The following SCARB2 variants were observed in gnomAD, a reference collection of about 807,000 sequenced individuals.
SCARB2 encodes the protein lysosome membrane protein 2.
In SCARB2, 29 loss-of-function variants were observed where a neutral mutation model predicts 58.6. That is an observed-to-expected ratio of 0.49 (90% CI 0.37 to 0.67). The LOEUF (loss-of-function observed/expected upper bound fraction) is 0.67, where lower values mean the gene tolerates loss of function less well. Ranked by LOEUF, SCARB2 falls within the 30% of genes least tolerant of loss-of-function variation. The probability of loss-of-function intolerance (pLI) is 0.00; values close to 1 mark genes in which losing one functional copy is unlikely to be tolerated. For missense variants in SCARB2, 488 were observed against 578.5 expected (o/e 0.84, Z 1.60); for synonymous variants, 195 against 210.1 (o/e 0.93, Z 0.62).
chr4:76,195,817 C>CT lies in SCARB2; in HGVS notation c.164dup (p.Pro56AlafsTer50). On this transcript the variant is annotated frameshift_variant, in exon 2 of 12. Transcript: ENST00000264896. LOFTEE classifies it high-confidence loss of function. The stretch of plus-strand genomic sequence containing the variant: ...ACTGAGTATACACAGGCAGAGGGGG[C>CT]TTCTCCCAGGAGTCAAATGCCTCAG... 1 of 1,613,754 alleles carries CT rather than the reference C, an allele frequency of 6.2e-7. No homozygotes were observed.
chr4:76,231,035 C>T (rs745799527), intron 1 of SCARB2, among the ~76,000 whole-genome samples: 3 of 152,218 alleles, frequency 2.0e-5, no homozygotes, highest in African/African-American at 7.2e-5. Context: ...GAGTTTGGAA[C>T]AAAAATGTGT....
chr4:76,209,534 A>G (rs1229138283), intron 1 of SCARB2, among the ~76,000 whole-genome samples: 2 of 152,044 alleles, frequency 1.3e-5, no homozygotes, highest in Admixed American at 6.6e-5. Context: ...ATGCCTAGCT[A>G]ATTTCTGTAT....
Position 76,213,630 on chromosome 4 carries a change from G to A in SCARB2, c.-87C>T. On this transcript the variant is annotated 5_prime_UTR_variant, in exon 1 of 12. Transcript: ENST00000264896. ...GAGGAGCCGCCGCAGAGGCGTCGAA[G>A]ACCCGGGACCCTTCGGCGCCACGCC... is the stretch of plus-strand genomic sequence containing the variant. 1 of 1,070,326 alleles carries A rather than the reference G, an allele frequency of 9.3e-7. No individual in the cohort carries two copies. Among genetic ancestry groups the A allele is most frequent in the Non-Finnish European group, 1.4e-6 (1 of 708,568 alleles). 66.3% of individuals were successfully genotyped at this position (1,070,326 alleles called of 1,614,324 possible).
At chr4:76,191,053 C>T (rs1038401411) in intron 2 of SCARB2, among the ~76,000 whole-genome samples, 31 of 152,098 alleles carry the variant, frequency 2.0e-4, no homozygotes, top group African/African-American at 7.3e-4. Context: ...GTCTCCATCA[C>T]ATCTTAAGGA....
rs767272635 is a variant in SCARB2 at position 76,175,889 on chromosome 4, T to C, written c.726A>G (p.Thr242=). The C allele has an allele frequency of 1.2e-6, 2 of 1,613,956 alleles. No individual in the cohort carries two copies. The highest frequency in any genetic ancestry group is 2.2e-5 in the South Asian group (2 of 91,076). Residue 242 remains threonine (T), a synonymous_variant, in exon 6 of 12, where the codon ACA becomes ACG. Coordinates refer to ENST00000264896, the MANE Select transcript of SCARB2 (RefSeq NM_005506.4). The stretch of plus-strand genomic sequence containing the variant: ...TTCCATTAATCATATTGCACTTGTC[T>C]GTTATCCACCAGTCAAGTGACCTAT... ...NGKTSLDWWI[T]DKCNMINGTD... is the part of the protein sequence containing the mutation.
At chr4:76,228,194 C>T (rs546888635) in intron 1 of SCARB2, among the ~76,000 whole-genome samples, 1 of 151,778 alleles carries the variant, frequency 6.6e-6, no homozygotes, top group South Asian at 2.1e-4. Flanking sequence ...ATTTAGAATC[C>T]CAGCTGGGCG....
In SCARB2 at chr4:76,163,202, AAGTTCCTTCAGCC is replaced by A. The variant is rs778683141; in HGVS notation, c.1398+10_1398+22del. On this transcript the variant is annotated intron_variant, in intron 11 of 11. Coordinates refer to ENST00000264896, the MANE Select transcript of SCARB2 (RefSeq NM_005506.4). ...CAGGTAAAGTTATCCAGTAAGGAAGAAGTTCCTTCAGCCAGTTCTCACCTCATCCATGGATCCC... is the reference window on the plus strand; with the variant it reads ...CAGGTAAAGTTATCCAGTAAGGAAGAAGTTCTCACCTCATCCATGGATCCC... 2 of 1,614,080 alleles carry A rather than the reference AAGTTCCTTCAGCC, an allele frequency of 1.2e-6. No individual in the cohort carries two copies. The highest frequency in any genetic ancestry group is 3.3e-5 in the Admixed American group (2 of 60,026).
rs911742094 is a variant in SCARB2 at position 76,159,377 on chromosome 4, A to T, written c.*2336T>A. The T allele has an allele frequency of 1.3e-5, 2 of 152,074 alleles. No individual in the cohort carries two copies. The highest frequency in any genetic ancestry group is 3.9e-4 in the East Asian group (2 of 5,170). 9.4% of individuals were successfully genotyped at this position (152,074 alleles called of 1,614,324 possible). ...TGACTGTAGTTTGTAGATCTGTCTC[A>T]GACTTTTCAGAAGGATAGTATCAAA... On this transcript the variant is annotated 3_prime_UTR_variant, in exon 12 of 12. Coordinates refer to ENST00000264896, the MANE Select transcript of SCARB2 (RefSeq NM_005506.4).
chr4:76,179,691 C>T lies in SCARB2; in HGVS notation c.438G>A (p.Trp146Ter). 2.5e-6 allele frequency: 4 copies of T among 1,613,552 alleles called. No homozygotes were observed. Among genetic ancestry groups the T allele is most frequent in the Non-Finnish European group, 3.4e-6 (4 of 1,179,646 alleles). Reference protein sequence around the residue: ...LNIPVLTVIEWSQVHFLREII... With the variant: ...LNIPVLTVIE ...TCTCCCTGAGGAAGTGCACCTGGGA[C>T]CACTCTATGACAGTCTGCGGAGCAG... Residue 146 changes from tryptophan to a stop codon, truncating the protein, a stop_gained, in exon 4 of 12, where the codon TGG (tryptophan) becomes TGA (stop). Coordinates refer to ENST00000264896, the MANE Select transcript of SCARB2 (RefSeq NM_005506.4). LOFTEE classifies it high-confidence loss of function.
Position 76,161,646 on chromosome 4 carries a change from G to T in SCARB2, c.*67C>A. 1 of 1,532,920 alleles carries T rather than the reference G, an allele frequency of 6.5e-7. No individual in the cohort carries two copies. Among genetic ancestry groups the T allele is most frequent in the Non-Finnish European group, 9.0e-7 (1 of 1,106,134 alleles). The allele number at this position is 1,532,920 out of a possible 1,614,324, so 95.0% of individuals were successfully genotyped here. On this transcript the variant is annotated 3_prime_UTR_variant, in exon 12 of 12. Transcript: ENST00000264896. Reference sequence around the variant, plus strand: ...GCAACAAGCCTGCAAGGAGGTGGAGGGTTTCCCCACGTCATCGTCCAGGTC... The same window carrying T: ...GCAACAAGCCTGCAAGGAGGTGGAGTGTTTCCCCACGTCATCGTCCAGGTC...
intron 1 of SCARB2, among the ~76,000 whole-genome samples, chr4:76,199,663 C>T (rs1732788043): frequency 6.6e-6 from 1 of 152,234 alleles, no homozygotes; most frequent in African/African-American, 2.4e-5. Context: ...GACAGTGAAA[C>T]TATGGAGAAG....
chr4:76,227,000 T>TTTTG (rs56371323), intron 1 of SCARB2, among the ~76,000 whole-genome samples: 136,729 of 151,334 alleles, frequency 0.9, 63,113 homozygotes, highest in East Asian at 1. Context: ...GTCTTTCGAA[T>TTTTG]TTTGTTTGTT....
chr4:76,178,116 C>G (rs531425350), intron 4 of SCARB2, among the ~76,000 whole-genome samples: 1 of 152,140 alleles, frequency 6.6e-6, no homozygotes, highest in East Asian at 1.9e-4. Context: ...TGGAAGAAGA[C>G]GGTATTAATA....
chr4:76,181,241 C>A (rs1356735963), intron 2 of SCARB2, 140 bp from the exon 3 acceptor site: 1 of 826,640 alleles, frequency 1.2e-6, no homozygotes, highest in Non-Finnish European at 1.9e-6. Context: ...GCTACTAAGC[C>A]TTAAAAAGCT....
upstream of SCARB2, among the ~76,000 whole-genome samples, chr4:76,217,217 C>T (rs1349009194): frequency 6.6e-6 from 1 of 152,202 alleles, no homozygotes; most frequent in Non-Finnish European, 1.5e-5. Context: ...ACCCTGAACA[C>T]ACTCTGGAGG....
intron 1 of SCARB2, among the ~76,000 whole-genome samples, chr4:76,209,141 C>G (rs1732988903): frequency 6.6e-6 from 1 of 152,104 alleles, no homozygotes; most frequent in African/African-American, 2.4e-5. Flanking sequence ...AGGTTTTTTT[C>G]TGATCAAGAA....
At chr4:76,208,818 T>C (rs530108104) in intron 1 of SCARB2, among the ~76,000 whole-genome samples, 1 of 152,286 alleles carries the variant, frequency 6.6e-6, no homozygotes, top group Admixed American at 6.5e-5. Context: ...CGGGATACAT[T>C]GTGGTCTGTA....
chr4:76,213,847 A>G (rs573424919), upstream of SCARB2: 470 of 208,462 alleles, frequency 2.3e-3, 2 homozygotes, highest in African/African-American at 0.011. Flanking sequence ...CAGGGACGTG[A>G]CGTTCGCGGG....
intron 7 of SCARB2, chr4:76,173,789 G>GAAA: frequency 3.3e-6 from 1 of 299,472 alleles, no homozygotes; most frequent in African/African-American, 2.2e-5. Flanking sequence ...CCACTGTCCA[G>GAAA]AAAAAAAAAC....
Sources: gnomAD v4.1 joint callset for allele counts (sites outside exome capture counted in the v4.1 genomes callset) on GRCh38, gnomAD v4.1.1 for gene constraint, MANE v1.5 for transcripts, NCBI Gene and HGNC (gene_info 2026-07-23, HGNC 2026-07-21) for gene names.